PPP4R2: variants seen among roughly 807,000 people sequenced by gnomAD.
PPP4R2 encodes protein phosphatase 4 regulatory subunit 2, also known as serine/threonine-protein phosphatase 4 regulatory subunit 2.
A neutral mutation model predicts 47.2 loss-of-function variants in PPP4R2; 13 were observed. The observed-to-expected ratio is 0.28, with a 90% CI of 0.18 to 0.44. PPP4R2 has a LOEUF of 0.44. PPP4R2 is among the 20% of genes least tolerant of loss of function. The pLI, the probability that PPP4R2 is intolerant of heterozygous loss-of-function variation, is 1.00. For missense variants in PPP4R2, 421 were observed against 491.2 expected (o/e 0.86, Z 1.35); for synonymous variants, 151 against 163.3 (o/e 0.92, Z 0.57).
rs551284027 is a variant in PPP4R2, at chr3:73,049,359, C to T, written c.287+2003C>T. On this transcript the variant is annotated intron_variant, in intron 3 of 8. Coordinates refer to ENST00000356692, the MANE Select transcript of PPP4R2 (RefSeq NM_174907.4). ...TAAAAATACAGAAAAATCAGCTGGG[C>T]GTTGTCGCGGACGCCCATAATCCCA... Among the ~76,000 whole-genome samples the T allele has an allele frequency of 7.9e-5, 12 of 152,042 alleles. No homozygotes were observed. The South Asian group carries it at 2.3e-3, about 29-fold the overall frequency.
rs1553652539 is a variant in PPP4R2, at chr3:73,066,239, C to CATACAT, written c.*520_*521insCATATA. Reference sequence around the variant, plus strand: ...TGGAACTTTAAGTCATATATACATACATATATATATATATATATATATAAT... The same window carrying CATACAT: ...TGGAACTTTAAGTCATATATACATACATACATATATATATATATATATATATATAAT... On this transcript the variant is annotated 3_prime_UTR_variant, in exon 9 of 9. Coordinates refer to ENST00000356692, the MANE Select transcript of PPP4R2 (RefSeq NM_174907.4). 342 of 134,108 alleles carry CATACAT rather than the reference C, an allele frequency of 2.6e-3. No homozygotes were observed. The highest frequency in any genetic ancestry group is 8.6e-3 in the African/African-American group (315 of 36,572). 8.3% of individuals were successfully genotyped at this position (134,108 alleles called of 1,614,324 possible). A position where few individuals can be genotyped will look rare whatever the true frequency, so the allele number is the denominator to read the frequency against.
chr3:72,999,997 C>G (rs548692544), intron 2 of PPP4R2, among the ~76,000 whole-genome samples: 1 of 152,180 alleles, frequency 6.6e-6, no homozygotes, highest in African/African-American at 2.4e-5. Context: ...TAAGCTTTGT[C>G]TAGTATGTGA....
chr3:73,059,979 A>C (rs1275258517), intron 4 of PPP4R2, among the ~76,000 whole-genome samples: 1 of 151,914 alleles, frequency 6.6e-6, no homozygotes, highest in Non-Finnish European at 1.5e-5. Flanking sequence ...ACAAAGATTC[A>C]AGGTGTTTAA....
At chr3:73,062,078 A>G (rs938472535) in intron 5 of PPP4R2, 2 of 1,531,776 alleles carry the variant, frequency 1.3e-6, no homozygotes, top group East Asian at 4.9e-5. Context: ...CATAGCGACT[A>G]ATAATGGGTT....
At chr3:73,021,640 A>C (rs138002921) in intron 2 of PPP4R2, among the ~76,000 whole-genome samples, 1 of 152,102 alleles carries the variant, frequency 6.6e-6, no homozygotes. Flanking sequence ...TCTGTTTATC[A>C]CAGTATTTGT....
intron 2 of PPP4R2, among the ~76,000 whole-genome samples, chr3:73,037,178 A>AT (rs1702279959): frequency 6.6e-6 from 1 of 152,144 alleles, no homozygotes; most frequent in Admixed American, 6.5e-5. Context: ...AAAATTCTAG[A>AT]TTAGATCTTC....
intron 2 of PPP4R2, among the ~76,000 whole-genome samples, chr3:73,045,361 G>C (rs1404482255): frequency 6.6e-6 from 1 of 152,050 alleles, no homozygotes; most frequent in African/African-American, 2.4e-5. Context: ...GACTATATCA[G>C]GAAGCTTTCA....
chr3:73,032,233 A>G (rs1442347293), intron 2 of PPP4R2, among the ~76,000 whole-genome samples: 8 of 152,004 alleles, frequency 5.3e-5, no homozygotes, highest in Admixed American at 5.2e-4. Context: ...ACCCACTTTA[A>G]ATTTTCTTTG....
At chr3:73,061,304 T>C (rs1702853136) in intron 5 of PPP4R2, 2 of 226,704 alleles carry the variant, frequency 8.8e-6, no homozygotes, top group African/African-American at 4.5e-5. Flanking sequence ...TTAATATTGT[T>C]GGATTTACAT....
In PPP4R2 at chr3:73,000,948, A is replaced by G. The variant is rs530915298; in HGVS notation, c.116+2790A>G. Among the ~76,000 whole-genome samples the G allele has an allele frequency of 2.0e-4, 30 of 152,300 alleles. 1 individual carries two copies. The South Asian group carries it at 5.8e-3, about 29-fold the overall frequency. ...CAATTATTATCCTTTTTGACGGTCAAGTTGTCTCCCATTTGGTCAGTGGTA... is the reference window on the plus strand; with the variant it reads ...CAATTATTATCCTTTTTGACGGTCAGGTTGTCTCCCATTTGGTCAGTGGTA... On this transcript the variant is annotated intron_variant, in intron 2 of 8. Transcript: ENST00000356692.
At chr3:73,054,224 G>A (rs1027961037) in intron 3 of PPP4R2, among the ~76,000 whole-genome samples, 7 of 152,160 alleles carry the variant, frequency 4.6e-5, no homozygotes, top group South Asian at 2.1e-4. Context: ...AGCTAATTTC[G>A]CCTCTTTTAA....
At chr3:73,032,696 G>A (rs1702189602) in intron 2 of PPP4R2, among the ~76,000 whole-genome samples, 1 of 152,102 alleles carries the variant, frequency 6.6e-6, no homozygotes, top group Admixed American at 6.6e-5. Context: ...TGAAAGTTAA[G>A]ATTTAGTTTC....
chr3:73,062,509 T>C (rs1177122102), intron 5 of PPP4R2: 1 of 1,613,722 alleles, frequency 6.2e-7, no homozygotes, highest in Non-Finnish European at 8.5e-7. Flanking sequence ...TTACTGAGTG[T>C]TGGTGTGAGC....
intron 2 of PPP4R2, chr3:73,014,899 T>C (rs1187779505): frequency 6.2e-6 from 4 of 647,526 alleles, no homozygotes; most frequent in Non-Finnish European, 1.1e-5. Flanking sequence ...AGATGGGGTC[T>C]TGCTGTGTTG....
intron 8 of PPP4R2, 21 bp downstream of exon 8, chr3:73,065,162 A>G (rs755505905): frequency 6.3e-7 from 1 of 1,575,486 alleles, no homozygotes; most frequent in Non-Finnish European, 8.6e-7. Flanking sequence ...ACCATCTGTA[A>G]AAGGGTGGAG....
At chr3:73,056,414 A>T (rs182775787) in intron 3 of PPP4R2, among the ~76,000 whole-genome samples, 1 of 152,340 alleles carries the variant, frequency 6.6e-6, no homozygotes, top group East Asian at 1.9e-4. Context: ...TAAGTTTAAA[A>T]GTACAGTCTG....
chr3:73,061,172 G>A (rs2107339106), intron 5 of PPP4R2, 112 bp downstream of exon 5: 1 of 468,944 alleles, frequency 2.1e-6, no homozygotes, highest in Non-Finnish European at 3.6e-6. Flanking sequence ...GTAATTAAGT[G>A]TGATAACATA....
chr3:73,035,654 T>C (rs1324051898), intron 2 of PPP4R2, among the ~76,000 whole-genome samples: 1 of 152,108 alleles, frequency 6.6e-6, no homozygotes, highest in African/African-American at 2.4e-5. Flanking sequence ...AGATGGAGTT[T>C]CGCTCTGTTG....
At chr3:73,029,681 T>A (rs1343752100) in intron 2 of PPP4R2, among the ~76,000 whole-genome samples, 1 of 152,150 alleles carries the variant, frequency 6.6e-6, no homozygotes, top group Non-Finnish European at 1.5e-5. Flanking sequence ...TCAGGAGTCA[T>A]CCTGATAAAA....
Sources: allele counts gnomAD v4.1 joint callset (sites outside exome capture counted in the v4.1 genomes callset), GRCh38; gene constraint gnomAD v4.1.1; transcripts MANE v1.5; gene names NCBI Gene and HGNC (gene_info 2026-07-23, HGNC 2026-07-21).